Variants in SEL1L3 observed in about 807,000 individuals in gnomAD.
SEL1L3 encodes the protein protein sel-1 homolog 3.
Under a neutral mutation model 142.8 loss-of-function variants are expected in SEL1L3, and 76 were observed. The ratio of observed to expected loss-of-function variants is 0.53; its 90% CI spans 0.44 to 0.64. SEL1L3 has a LOEUF of 0.64. SEL1L3 is among the 30% of genes least tolerant of loss of function. The pLI is 0.00. For missense variants in SEL1L3, 1,262 were observed against 1,381.7 expected (o/e 0.91, Z 1.37); for synonymous variants, 504 against 519.6 (o/e 0.97, Z 0.41).
chr4:25,802,578 A>G, intron 10 of SEL1L3, 116 bp from the exon 11 acceptor site: 1 of 879,880 alleles, frequency 1.1e-6, no homozygotes, highest in East Asian at 2.7e-5. Flanking sequence ...TTCCAGAAAT[A>G]TGTTAACTTG....
At chr4:25,715,640 T>C in the SEL1L3 span, among the ~76,000 whole-genome samples, 1 of 151,316 alleles carries the variant, frequency 6.6e-6, no homozygotes, top group Non-Finnish European at 1.5e-5. Flanking sequence ...GCACCATTGT[T>C]TGTAACAACA....
chr4:25,807,363 T>C (rs1713660960), intron 9 of SEL1L3, among the ~76,000 whole-genome samples: 1 of 152,204 alleles, frequency 6.6e-6, no homozygotes, highest in Admixed American at 6.5e-5. Flanking sequence ...TGCGGAATCT[T>C]GTCTTGGATT....
At chr4:25,852,727 T>C (rs952739611) in intron 1 of SEL1L3, among the ~76,000 whole-genome samples, 1 of 152,212 alleles carries the variant, frequency 6.6e-6, no homozygotes, top group East Asian at 1.9e-4. Context: ...AATATCACAC[T>C]TTGTTCTTTC....
chr4:25,829,129 C>T (rs1008694303), intron 6 of SEL1L3, among the ~76,000 whole-genome samples: 2 of 152,154 alleles, frequency 1.3e-5, no homozygotes, highest in Non-Finnish European at 2.9e-5. Flanking sequence ...TGCGCCACCA[C>T]GCTAGGCTTA....
intron 2 of SEL1L3, among the ~76,000 whole-genome samples, chr4:25,841,595 A>G (rs1027087704): frequency 1.3e-5 from 2 of 152,218 alleles, no homozygotes; most frequent in East Asian, 1.9e-4. Context: ...AAACTTAGAC[A>G]AACTACTCTA....
At chr4:25,811,764 T>TTG (rs1553873223) in intron 9 of SEL1L3, among the ~76,000 whole-genome samples, 96 of 147,852 alleles carry the variant, frequency 6.5e-4, no homozygotes, top group Admixed American at 1.1e-3. Context: ...TTTTTTTTTT[T>TTG]TTGTTGTTGT....
rs576453712 is a variant in SEL1L3, at chr4:25,794,711, C to T, written c.1957-4137G>A. 3.0e-4 allele frequency among the ~76,000 whole-genome samples: 46 copies of T among 152,200 alleles called. 1 individual carries two copies. In the South Asian group the frequency reaches 8.1e-3, roughly 27 times the overall value. ...ACATTTGACCCAGCAATCCCATTAC[C>T]GGGTATATATCCAAAGGAATATAAA... On this transcript the variant is annotated intron_variant, in intron 11 of 23. Coordinates refer to ENST00000399878, the MANE Select transcript of SEL1L3 (RefSeq NM_015187.5).
chr4:25,797,111 G>C, intron 11 of SEL1L3, among the ~76,000 whole-genome samples: 1 of 150,528 alleles, frequency 6.6e-6, no homozygotes, highest in East Asian at 1.9e-4. Context: ...GTGGAAAAGA[G>C]AGAAAGAGAA....
intron 10 of SEL1L3, among the ~76,000 whole-genome samples, chr4:25,803,637 C>T (rs1190736973): frequency 1.3e-5 from 2 of 152,160 alleles, no homozygotes; most frequent in East Asian, 1.9e-4. Flanking sequence ...GCTACACAGA[C>T]GGCCTTCTCC....
At chr4:25,844,751 C>T (rs6448408) in intron 2 of SEL1L3, among the ~76,000 whole-genome samples, 120,202 of 152,092 alleles carry the variant, frequency 0.79, 48,198 homozygotes, top group African/African-American at 0.93. Flanking sequence ...GTGTGCCCCA[C>T]GCTATCTTCC....
intron 20 of SEL1L3, among the ~76,000 whole-genome samples, chr4:25,761,301 G>T (rs141687951): frequency 0.031 from 4,661 of 152,126 alleles, 100 homozygotes; most frequent in Middle Eastern, 0.054. Flanking sequence ...GATTACAGGT[G>T]CCCACAGCCA....
At chr4:25,836,277 A>G (rs1041504187) in intron 2 of SEL1L3, among the ~76,000 whole-genome samples, 11 of 152,188 alleles carry the variant, frequency 7.2e-5, no homozygotes, top group Non-Finnish European at 1.2e-4. Context: ...CAACAAGCCT[A>G]AGTATGAATT....
downstream of SEL1L3, among the ~76,000 whole-genome samples, chr4:25,743,254 CA>C (rs1278250132): frequency 6.6e-6 from 1 of 151,924 alleles, no homozygotes; most frequent in East Asian, 1.9e-4. Flanking sequence ...TTGAGTGGGC[CA>C]AAAAAATTAT....
At chr4:25,741,108 CTTT>C in the SEL1L3 span, among the ~76,000 whole-genome samples, 5 of 125,098 alleles carry the variant, frequency 4.0e-5, no homozygotes, top group African/African-American at 8.8e-5. Flanking sequence ...TGCTTTCTTT[CTTT>C]TTTTTTTTTT....
the SEL1L3 span, among the ~76,000 whole-genome samples, chr4:25,725,085 C>T: frequency 2.6e-5 from 4 of 152,044 alleles, no homozygotes; most frequent in South Asian, 2.1e-4. Context: ...CGACTATTTC[C>T]GGTGCATAGA....
At chr4:25,813,569 T>A (rs1196101475) in intron 9 of SEL1L3, among the ~76,000 whole-genome samples, 1 of 152,044 alleles carries the variant, frequency 6.6e-6, no homozygotes, top group Non-Finnish European at 1.5e-5. Flanking sequence ...ATGGGGGCAA[T>A]GGGGAGACGT....
intron 7 of SEL1L3, among the ~76,000 whole-genome samples, chr4:25,820,741 A>G (rs1714700634): frequency 6.6e-6 from 1 of 152,150 alleles, no homozygotes; most frequent in Non-Finnish European, 1.5e-5. Context: ...GCATATGTAT[A>G]TGTACTGTTC....
intron 17 of SEL1L3, among the ~76,000 whole-genome samples, chr4:25,771,681 T>C (rs1719216247): frequency 6.6e-6 from 1 of 152,200 alleles, no homozygotes; most frequent in African/African-American, 2.4e-5. Flanking sequence ...TCAAGCCCAC[T>C]ATAATCTGGC....
chr4:25,722,623 G>GTTTTTTTTTTTTTTTTTTTTTTTTTT, the SEL1L3 span, among the ~76,000 whole-genome samples: 3 of 125,124 alleles, frequency 2.4e-5, no homozygotes, highest in African/African-American at 1.4e-4. Context: ...TCCAAAGGAG[G>GTTTTTTTTTTTTTTTTTTTTTTTTTT]CTTTTTTTTT....
Sources: gnomAD v4.1 joint callset for allele counts (sites outside exome capture counted in the v4.1 genomes callset) on GRCh38, gnomAD v4.1.1 for gene constraint, MANE v1.5 for transcripts, NCBI Gene and HGNC (gene_info 2026-07-23, HGNC 2026-07-21) for gene names.